CCDC158: variants seen among roughly 807,000 people sequenced by gnomAD.
CCDC158 encodes the protein coiled-coil domain-containing protein 158.
In CCDC158, 116 loss-of-function variants were observed where a neutral mutation model predicts 138.6. That is an observed-to-expected ratio of 0.84 (90% CI 0.72 to 0.98). CCDC158 has a LOEUF of 0.98. Ranked by LOEUF, CCDC158 falls within the 50% of genes least tolerant of loss-of-function variation. The probability of loss-of-function intolerance (pLI) is 0.00; values close to 1 mark genes in which losing one functional copy is unlikely to be tolerated. For synonymous variants in CCDC158, 436 were observed against 442.4 expected (o/e 0.99, Z 0.18); for missense variants, 1,265 against 1,306.1 (o/e 0.97, Z 0.48).
intron 14 of CCDC158, among the ~76,000 whole-genome samples, chr4:76,355,736 A>G (rs1469582263): frequency 6.6e-6 from 1 of 151,968 alleles, no homozygotes; most frequent in Non-Finnish European, 1.5e-5. Flanking sequence ...CAGTAATAAC[A>G]ATAACATTGA....
At chr4:76,412,220 C>T (rs1729347533) in intron 1 of CCDC158, 88 bp from the exon 2 acceptor site, 1 of 152,138 alleles carries the variant, frequency 6.6e-6, no homozygotes, top group African/African-American at 2.4e-5. Flanking sequence ...TTTACAAATT[C>T]ATGTTCATCA....
intron 18 of CCDC158, among the ~76,000 whole-genome samples, chr4:76,338,507 G>T (rs373543277): frequency 6.6e-6 from 1 of 152,058 alleles, no homozygotes. Context: ...GAGAGACTCC[G>T]TCTCAAAAAA....
intron 12 of CCDC158, 117 bp downstream of exon 12, chr4:76,367,177 A>G: frequency 8.6e-7 from 1 of 1,157,704 alleles, no homozygotes; most frequent in Non-Finnish European, 1.2e-6. Context: ...ACATAGAAAC[A>G]AACACCTTCC....
At chr4:76,347,430 C>T (rs1013442209) in intron 18 of CCDC158, among the ~76,000 whole-genome samples, 1 of 151,990 alleles carries the variant, frequency 6.6e-6, no homozygotes, top group African/African-American at 2.4e-5. Flanking sequence ...AGCTGGAAAC[C>T]ATCATTCTCA....
intron 9 of CCDC158, among the ~76,000 whole-genome samples, chr4:76,374,520 C>T (rs1384645033): frequency 2.0e-5 from 3 of 152,090 alleles, no homozygotes. Flanking sequence ...TTTTTTTCAT[C>T]TGTAATTGGA....
At chr4:76,408,923 T>TTC (rs1267454067) in intron 2 of CCDC158, among the ~76,000 whole-genome samples, 1 of 152,228 alleles carries the variant, frequency 6.6e-6, no homozygotes, top group African/African-American at 2.4e-5. Flanking sequence ...TGATTTGCAT[T>TTC]TCTGACGGCC....
upstream of CCDC158, among the ~76,000 whole-genome samples, chr4:76,421,496 C>T (rs79613716): frequency 0.028 from 4,310 of 152,146 alleles, 190 homozygotes; most frequent in African/African-American, 0.099. Context: ...AACTGGTCTC[C>T]GGCCCTACTC....
At chr4:76,363,003 C>A (rs572050326) in intron 12 of CCDC158, among the ~76,000 whole-genome samples, 1 of 152,264 alleles carries the variant, frequency 6.6e-6, no homozygotes, top group African/African-American at 2.4e-5. Context: ...CTCAAAAAGG[C>A]CGCTTACAAG....
chr4:76,370,806 C>G (rs1419279343), intron 10 of CCDC158, among the ~76,000 whole-genome samples: 5 of 152,192 alleles, frequency 3.3e-5, no homozygotes, highest in African/African-American at 1.2e-4. Context: ...GCTCTCAGTT[C>G]TATCCTTACC....
chr4:76,388,953 G>A (rs2109799819), intron 4 of CCDC158, among the ~76,000 whole-genome samples: 1 of 152,230 alleles, frequency 6.6e-6, no homozygotes, highest in East Asian at 1.9e-4. Flanking sequence ...TATTGGGCTT[G>A]GGGTTTTGAA....
intron 24 of CCDC158, among the ~76,000 whole-genome samples, chr4:76,322,423 A>G (rs1720107548): frequency 6.6e-6 from 1 of 152,126 alleles, no homozygotes; most frequent in African/African-American, 2.4e-5. Flanking sequence ...AACAGTACCC[A>G]TTTCCCAATG....
At chr4:76,391,482 G>A (rs1242622817) in intron 4 of CCDC158, among the ~76,000 whole-genome samples, 1 of 151,842 alleles carries the variant, frequency 6.6e-6, no homozygotes, top group Non-Finnish European at 1.5e-5. Flanking sequence ...TGAAACATAT[G>A]ATAATGGAAA....
At chr4:76,319,227 G>A (rs1282792950) in intron 24 of CCDC158, among the ~76,000 whole-genome samples, 8 of 150,172 alleles carry the variant, frequency 5.3e-5, no homozygotes, top group South Asian at 2.1e-4. Context: ...AGCTGAGATC[G>A]TGCCACTGCA....
intron 11 of CCDC158, among the ~76,000 whole-genome samples, chr4:76,369,215 A>AAAGT (rs1724988883): frequency 6.6e-6 from 1 of 151,972 alleles, no homozygotes; most frequent in African/African-American, 2.4e-5. Flanking sequence ...ACGCCATCTA[A>AAAGT]AAATAAATAA....
At chr4:76,389,797 A>C (rs1727148028) in intron 4 of CCDC158, among the ~76,000 whole-genome samples, 1 of 152,170 alleles carries the variant, frequency 6.6e-6, no homozygotes, top group South Asian at 2.1e-4. Flanking sequence ...GCCAGGAGAG[A>C]GTGGCATGAC....
intron 24 of CCDC158, among the ~76,000 whole-genome samples, chr4:76,323,000 G>A (rs184070668): frequency 3.3e-5 from 5 of 152,204 alleles, no homozygotes; most frequent in Admixed American, 2.0e-4. Context: ...CAAGAAAGAC[G>A]GTGTGTGGGA....
In CCDC158 at chr4:76,351,096, G is replaced by C; in HGVS notation, c.2564C>G (p.Ser855Ter). 1 of 1,613,818 alleles carries C rather than the reference G, an allele frequency of 6.2e-7. No individual in the cohort carries two copies. Among genetic ancestry groups the C allele is most frequent in the Non-Finnish European group, 8.5e-7 (1 of 1,179,818 alleles). Residue 855 changes from serine to a stop codon, truncating the protein, a stop_gained, in exon 18 of 25, where the codon TCA becomes TGA. Coordinates refer to ENST00000682701, the MANE Select transcript of CCDC158 (RefSeq NM_001394954.1). LOFTEE classifies it high-confidence loss of function. ...AAGGCGTGGTTTCAATGAAGAATTT[G>C]AGGTGTATCCAGGGCCCTGAAGTTC... Reference protein sequence around the residue: ...IKELQGPGYTSNSSLKPRLLQ... With the variant: ...IKELQGPGYT
In CCDC158 at chr4:76,357,374, C is replaced by T. The variant is rs193096685; in HGVS notation, c.2173G>A (p.Ala725Thr). The change falls in exon 14 of 25, where the codon GCT becomes ACT. Residue 725 changes from alanine (A) to threonine (T), a missense_variant and splice_region_variant. Transcript: ENST00000682701. ...LKSMEGSDGHAMKVAMGMQKQ... is the reference protein window; with the variant it reads ...LKSMEGSDGHTMKVAMGMQKQ... Reference sequence around the variant, plus strand: ...AAATTTTAAATCTAACAGAGCATACCATGACCATCAGATCCTTCCATTGAC... The same window carrying T: ...AAATTTTAAATCTAACAGAGCATACTATGACCATCAGATCCTTCCATTGAC... 1 of 1,526,574 alleles carries T rather than the reference C, an allele frequency of 6.6e-7. No individual in the cohort carries two copies. The highest frequency in any genetic ancestry group is 8.8e-7 in the Non-Finnish European group (1 of 1,141,528). The allele number at this position is 1,526,574 out of a possible 1,614,324, so 94.6% of individuals were successfully genotyped here. A position where few individuals can be genotyped will look rare whatever the true frequency, so the allele number is the denominator to read the frequency against.
intron 18 of CCDC158, among the ~76,000 whole-genome samples, chr4:76,345,888 T>A (rs1182920164): frequency 6.6e-6 from 1 of 152,048 alleles, no homozygotes; most frequent in African/African-American, 2.4e-5. Context: ...TAGAAAAAAC[T>A]ACTTTAAATT....
Sources: allele counts gnomAD v4.1 joint callset (sites outside exome capture counted in the v4.1 genomes callset), GRCh38; gene constraint gnomAD v4.1.1; transcripts MANE v1.5; gene names NCBI Gene and HGNC (gene_info 2026-07-23, HGNC 2026-07-21).